TENM2: variants seen among roughly 807,000 people sequenced by gnomAD.
The protein encoded by TENM2 is teneurin-2.
In TENM2, 52 loss-of-function variants were observed where a neutral mutation model predicts 245.2. The ratio of observed to expected loss-of-function variants is 0.21; its 90% CI spans 0.17 to 0.27. The LOEUF (loss-of-function observed/expected upper bound fraction) is 0.27, where lower values mean the gene tolerates loss of function less well. Ranked by LOEUF, TENM2 falls within the 10% of genes least tolerant of loss-of-function variation. The pLI is 1.00. For missense variants in TENM2, 3,046 were observed against 3,666.8 expected, an observed-to-expected ratio of 0.83 and a Z score of 4.37; for synonymous variants, 1,363 against 1,438.9, an observed-to-expected ratio of 0.95 and a Z score of 1.19.
Position 167,382,315 on chromosome 5 carries a change from T to A in TENM2, c.502+6842T>A, listed in dbSNP as rs186121183. On this transcript the variant is annotated intron_variant, in intron 2 of 28. Coordinates refer to ENST00000518659, the Ensembl canonical transcript of TENM2. The stretch of plus-strand genomic sequence containing the variant: ...TCTGTAACAATGAAGTTGGAGACAA[T>A]AAAGCGAAGGCTAGAAGAGAGACAT... Among the ~76,000 whole-genome samples, 396 of 152,150 alleles carry A rather than the reference T, an allele frequency of 2.6e-3. 2 individuals are homozygous for A. The highest frequency in any genetic ancestry group is 5.0e-3 in the Non-Finnish European group (339 of 67,992).
intron 2 of TENM2, among the ~76,000 whole-genome samples, chr5:167,497,392 A>G (rs998655612): frequency 9.2e-5 from 14 of 152,110 alleles, no homozygotes; most frequent in African/African-American, 3.1e-4. Flanking sequence ...CTCTGACAAC[A>G]TAGATCCTTT....
At chr5:168,006,282 T>G (rs1784811267) in intron 5 of TENM2, among the ~76,000 whole-genome samples, 1 of 152,136 alleles carries the variant, frequency 6.6e-6, no homozygotes, top group Non-Finnish European at 1.5e-5. Context: ...ACCCTAAAGC[T>G]GAATGGGAAG....
At chr5:167,448,178 C>G (rs927155539) in intron 2 of TENM2, among the ~76,000 whole-genome samples, 5 of 152,126 alleles carry the variant, frequency 3.3e-5, no homozygotes, top group African/African-American at 1.2e-4. Flanking sequence ...CATGTCCCCC[C>G]ACCCCTACTG....
intron 2 of TENM2, among the ~76,000 whole-genome samples, chr5:167,459,935 C>CACACAT (rs1554159233): frequency 6.6e-6 from 1 of 151,138 alleles, no homozygotes; most frequent in Non-Finnish European, 1.5e-5. Flanking sequence ...CACACACACA[C>CACACAT]GCACACACAC....
the TENM2 span, among the ~76,000 whole-genome samples, chr5:167,131,977 C>T: frequency 6.6e-6 from 1 of 152,062 alleles, no homozygotes. Flanking sequence ...CGTGTGCCAC[C>T]ATGCCCGGAT....
At chr5:167,344,290 A>G (rs1245303777) in intron 1 of TENM2, among the ~76,000 whole-genome samples, 1 of 109,284 alleles carries the variant, frequency 9.2e-6, no homozygotes, top group African/African-American at 4.0e-5. Flanking sequence ...ACGCACACAC[A>G]CACACACACA....
chr5:167,469,887 T>A (rs1387357810), intron 2 of TENM2, among the ~76,000 whole-genome samples: 1 of 152,148 alleles, frequency 6.6e-6, no homozygotes, highest in African/African-American at 2.4e-5. Context: ...TCAGAAAAAT[T>A]GCAAATGTGT....
At position 167,853,305 on chromosome 5, in the gene TENM2, A is replaced by G. The variant is rs1233802329; in HGVS notation, c.503-22681A>G. ...ACTCCGTCTCAAAAAAAAAAAAAAA[A>G]AAAAAAAGAAAGTGATCGGGCTCTA... is the stretch of plus-strand genomic sequence containing the variant. On this transcript the variant is annotated intron_variant, in intron 2 of 28. Transcript: ENST00000518659. 2.1e-5 allele frequency among the ~76,000 whole-genome samples: 3 copies of G among 141,170 alleles called. 1 individual carries two copies. The highest frequency in any genetic ancestry group is 1.4e-4 in the Admixed American group (2 of 14,140). The allele number at this position is 141,170 out of a possible 152,430, so 92.6% of individuals were successfully genotyped here.
At chr5:168,108,869 GA>G (rs147403240) in intron 9 of TENM2, among the ~76,000 whole-genome samples, 3,889 of 152,200 alleles carry the variant, frequency 0.026, 174 homozygotes, top group African/African-American at 0.089. Flanking sequence ...GGAGAACAAT[GA>G]CAAAGCTCTT....
chr5:167,295,304 G>A (rs777077483), intron 1 of TENM2, among the ~76,000 whole-genome samples: 1 of 152,200 alleles, frequency 6.6e-6, no homozygotes, highest in African/African-American at 2.4e-5. Context: ...TCTGACACTA[G>A]CATGTTGAGT....
At chr5:167,534,357 T>A (rs995907816) in intron 2 of TENM2, among the ~76,000 whole-genome samples, 2 of 152,168 alleles carry the variant, frequency 1.3e-5, no homozygotes, top group Non-Finnish European at 2.9e-5. Flanking sequence ...ACCACTTTAA[T>A]GGACTGCAAA....
At chr5:167,644,668 T>A (rs1779816533) in intron 2 of TENM2, among the ~76,000 whole-genome samples, 1 of 152,148 alleles carries the variant, frequency 6.6e-6, no homozygotes, top group South Asian at 2.1e-4. Flanking sequence ...AGAGGTCAAG[T>A]AACTTGTCCA....
At chr5:167,260,706 T>C in the TENM2 span, among the ~76,000 whole-genome samples, 1 of 152,338 alleles carries the variant, frequency 6.6e-6, no homozygotes, top group East Asian at 1.9e-4. Flanking sequence ...TTTTCTGCCT[T>C]GTGCTGATGA....
exon 22 of TENM2, chr5:168,216,875 A>T (rs766958491): frequency 1.2e-6 from 2 of 1,613,924 alleles, no homozygotes; most frequent in Admixed American, 3.3e-5. Context: ...CAATGACCTC[A>T]CTGCCGTCCG....
At chr5:167,081,729 T>C in the TENM2 span, among the ~76,000 whole-genome samples, 1 of 152,176 alleles carries the variant, frequency 6.6e-6, no homozygotes, top group Non-Finnish European at 1.5e-5. Flanking sequence ...TTGACCAGGA[T>C]GTTACACAGG....
intron 2 of TENM2, among the ~76,000 whole-genome samples, chr5:167,459,572 T>C (rs1259527499): frequency 2.6e-5 from 4 of 152,244 alleles, no homozygotes; most frequent in Admixed American, 2.6e-4. Flanking sequence ...ATATGTTTAA[T>C]TTTTTAAGGA....
intron 3 of TENM2, among the ~76,000 whole-genome samples, chr5:167,929,051 A>G (rs78640688): frequency 0.03 from 3,702 of 123,608 alleles, 243 homozygotes; most frequent in African/African-American, 0.12. Flanking sequence ...AGAAAAAAGA[A>G]AGAAAGAGAG....
intron 2 of TENM2, among the ~76,000 whole-genome samples, chr5:167,549,414 A>T (rs1327407583): frequency 6.6e-6 from 1 of 152,256 alleles, no homozygotes; most frequent in Non-Finnish European, 1.5e-5. Flanking sequence ...TCTACTGAAT[A>T]ACAAAACTAA....
chr5:167,371,358 CTTTTTTT>C (rs35083581), intron 1 of TENM2, among the ~76,000 whole-genome samples: 1 of 119,984 alleles, frequency 8.3e-6, no homozygotes, highest in Non-Finnish European at 1.7e-5. Flanking sequence ...TCTTTCTTTT[CTTTTTTT>C]TTTTTTTGAA....
Sources: allele counts gnomAD v4.1 joint callset (sites outside exome capture counted in the v4.1 genomes callset), GRCh38; gene constraint gnomAD v4.1.1; transcripts MANE v1.5; gene names NCBI Gene and HGNC (gene_info 2026-07-23, HGNC 2026-07-21).